Variants in PEAK1 observed in about 807,000 individuals in gnomAD.
The protein encoded by PEAK1 is pseudopodium enriched atypical kinase 1, also known as inactive tyrosine-protein kinase PEAK1.
Under a neutral mutation model 124.7 loss-of-function variants are expected in PEAK1, and 54 were observed. The observed-to-expected ratio is 0.43, with a 90% CI of 0.35 to 0.54. PEAK1 has a LOEUF of 0.54. Among genes scored for constraint, PEAK1 ranks in the 20% least tolerant of loss-of-function variants. The probability of loss-of-function intolerance (pLI) is 0.01; values close to 1 mark genes in which losing one functional copy is unlikely to be tolerated. For missense variants in PEAK1, 2,046 were observed against 2,134.5 expected (o/e 0.96, Z 0.82); for synonymous variants, 719 against 760.0 (o/e 0.95, Z 0.89).
rs1315553623 is a variant in PEAK1, at chr15:77,365,228, G to A, written c.-665-3C>T. 6.1e-6 allele frequency: 6 copies of A among 981,294 alleles called. No individual in the cohort carries two copies. Among genetic ancestry groups the A allele is most frequent in the Non-Finnish European group, 7.3e-6 (6 of 826,362 alleles). The allele number at this position is 981,294 out of a possible 1,614,324, so 60.8% of individuals were successfully genotyped here. ...TAAGTTCCAGTTTGGGCAGATACCT[G>A]AATTGTAAAAAACAAACAGAAAAAG... On this transcript the variant is annotated splice_region_variant and splice_polypyrimidine_tract_variant and intron_variant, in intron 1 of 9. Transcript: ENST00000682557.
At chr15:77,307,403 T>C (rs2064162999) in intron 2 of PEAK1, among the ~76,000 whole-genome samples, 1 of 152,112 alleles carries the variant, frequency 6.6e-6, no homozygotes, top group Non-Finnish European at 1.5e-5. Flanking sequence ...ATAAAAGATC[T>C]ACAGAGATCT....
intron 1 of PEAK1, among the ~76,000 whole-genome samples, chr15:77,391,922 C>T (rs1190898125): frequency 6.6e-6 from 1 of 152,080 alleles, no homozygotes; most frequent in Non-Finnish European, 1.5e-5. Flanking sequence ...GTGATAATAC[C>T]AGAATGTGAA....
rs2050883872 is a variant in PEAK1 at position 77,109,837 on chromosome 15, C to G, written c.*4319G>C. On this transcript the variant is annotated 3_prime_UTR_variant, in exon 10 of 10. Coordinates refer to ENST00000682557, the MANE Select transcript of PEAK1 (RefSeq NM_001385026.1). ...GGCCCAGCAAGTCCAGTTTGTCTCACCCCTCTCCAAGAATGTTCATACTAT... is the reference window on the plus strand; with the variant it reads ...GGCCCAGCAAGTCCAGTTTGTCTCAGCCCTCTCCAAGAATGTTCATACTAT... 6.6e-6 allele frequency: 1 copy of G among 152,190 alleles called. No individual in the cohort carries two copies. Among genetic ancestry groups the G allele is most frequent in the Non-Finnish European group, 1.5e-5 (1 of 68,048 alleles). The allele number at this position is 152,190 out of a possible 1,614,324, so 9.4% of individuals were successfully genotyped here.
In PEAK1 at chr15:77,283,934, G is replaced by GA. The variant is rs1353638081; in HGVS notation, c.-327dup. 1.0e-6 allele frequency: 1 copy of GA among 982,246 alleles called. No homozygotes were observed. Among genetic ancestry groups the GA allele is most frequent in the African/African-American group, 1.8e-5 (1 of 57,134 alleles). 60.8% of individuals were successfully genotyped at this position (982,246 alleles called of 1,614,324 possible). A position where few individuals can be genotyped will look rare whatever the true frequency, so the allele number is the denominator to read the frequency against. Reference sequence around the variant, plus strand: ...TGTAGTCATTACTACTTTCATATTAGAAAATGTTTGTTTCTCCTTCTTGGA... The same window carrying GA: ...TGTAGTCATTACTACTTTCATATTAGAAAAATGTTTGTTTCTCCTTCTTGGA... On this transcript the variant is annotated 5_prime_UTR_variant, in exon 5 of 10. The change abolishes the stop of an existing upstream ORF in the 5' untranslated region. Transcript: ENST00000682557.
chr15:77,139,061 G>GTAATCAAGTTA (rs1306750207), intron 8 of PEAK1, among the ~76,000 whole-genome samples: 3 of 152,074 alleles, frequency 2.0e-5, no homozygotes, highest in Non-Finnish European at 2.9e-5. Flanking sequence ...AAGTTAAGAT[G>GTAATCAAGTTA]AGGTCATTAG....
At chr15:77,131,450 G>A (rs535256592) in intron 9 of PEAK1, among the ~76,000 whole-genome samples, 1 of 152,316 alleles carries the variant, frequency 6.6e-6, no homozygotes, top group African/African-American at 2.4e-5. Context: ...CCAAGATCGT[G>A]CCACTGCACT....
intron 6 of PEAK1, among the ~76,000 whole-genome samples, chr15:77,188,887 C>T (rs894482184): frequency 1.3e-5 from 2 of 152,054 alleles, no homozygotes; most frequent in Admixed American, 1.3e-4. Context: ...AAGTACCAGG[C>T]CCTTTACCCA....
chr15:77,295,593 T>C (rs566328650), intron 2 of PEAK1, among the ~76,000 whole-genome samples: 32 of 152,310 alleles, frequency 2.1e-4, no homozygotes, highest in Middle Eastern at 6.8e-3. Flanking sequence ...TACTGAAAAC[T>C]GATTCATCTT....
At chr15:77,199,489 G>A (rs1239954977) in intron 6 of PEAK1, among the ~76,000 whole-genome samples, 2 of 152,180 alleles carry the variant, frequency 1.3e-5, no homozygotes, top group African/African-American at 4.8e-5. Context: ...AAGCCTGGAA[G>A]GATTAAACTG....
At chr15:77,271,112 T>C (rs545281856) in intron 5 of PEAK1, among the ~76,000 whole-genome samples, 95 of 152,106 alleles carry the variant, frequency 6.2e-4, no homozygotes, top group African/African-American at 2.2e-3. Context: ...CATCAAAAAG[T>C]GGGCGAAGGA....
At chr15:77,274,385 T>C (rs2152957982) in intron 5 of PEAK1, among the ~76,000 whole-genome samples, 1 of 151,958 alleles carries the variant, frequency 6.6e-6, no homozygotes, top group South Asian at 2.1e-4. Flanking sequence ...GACAAAGGAC[T>C]AATATCCAGA....
chr15:77,311,879 G>C (rs1187684664), intron 2 of PEAK1, among the ~76,000 whole-genome samples: 1 of 151,942 alleles, frequency 6.6e-6, no homozygotes, highest in Admixed American at 6.6e-5. Flanking sequence ...TTACACTAGA[G>C]ACTATGCAGA....
chr15:77,335,732 C>T, intron 2 of PEAK1: 1 of 962,966 alleles, frequency 1.0e-6, no homozygotes, highest in Non-Finnish European at 1.2e-6. Flanking sequence ...CTCAAATAAT[C>T]CTCCCACTTC....
At chr15:77,418,554 G>A in intron 1 of PEAK1, 6 of 985,068 alleles carry the variant, frequency 6.1e-6, no homozygotes, top group Non-Finnish European at 7.2e-6. Flanking sequence ...CAACTTTGAA[G>A]CCAAGAAAAT....
chr15:77,287,221 A>T (rs543023243), intron 2 of PEAK1, among the ~76,000 whole-genome samples: 2 of 152,358 alleles, frequency 1.3e-5, no homozygotes, highest in African/African-American at 4.8e-5. Flanking sequence ...ATTTACAGTA[A>T]ATCAGTGCCT....
chr15:77,357,656 T>C lies in PEAK1; in HGVS notation c.-603+7507A>G, dbSNP rs2067607031. 2.6e-5 allele frequency among the ~76,000 whole-genome samples: 4 copies of C among 152,358 alleles called. No homozygotes were observed. The East Asian group carries it at 5.8e-4, about 22-fold the overall frequency. On this transcript the variant is annotated intron_variant, in intron 2 of 9. Coordinates refer to ENST00000682557, the MANE Select transcript of PEAK1 (RefSeq NM_001385026.1). Reference sequence around the variant, plus strand: ...CATATATATTGATGCATATGTATGTTTGCAAAAATAATTTAAAAGTAAATA... The same window carrying C: ...CATATATATTGATGCATATGTATGTCTGCAAAAATAATTTAAAAGTAAATA...
At chr15:77,278,960 G>C (rs2062501787) in intron 5 of PEAK1, among the ~76,000 whole-genome samples, 1 of 150,372 alleles carries the variant, frequency 6.7e-6, no homozygotes, top group African/African-American at 2.4e-5. Context: ...AGCCTCCCGA[G>C]TAGCTGGGAT....
At chr15:77,141,615 C>T (rs1415649204) in intron 8 of PEAK1, among the ~76,000 whole-genome samples, 2 of 152,128 alleles carry the variant, frequency 1.3e-5, no homozygotes, top group African/African-American at 4.8e-5. Context: ...GTTACACTTT[C>T]CAACTCCAAC....
rs537231021 is a variant in PEAK1 at position 77,379,023 on chromosome 15, A to G, written c.-665-13798T>C. Among the ~76,000 whole-genome samples the G allele has an allele frequency of 3.9e-4, 59 of 152,316 alleles. No individual in the cohort carries two copies. The South Asian group carries it at 0.011, about 27-fold the overall frequency. ...TTAACTGGTTTGTTTTTAAAGAGCT[A>G]TATCTGCTGAAATGAGATTGCCTAA... On this transcript the variant is annotated intron_variant, in intron 1 of 9. Coordinates refer to ENST00000682557, the MANE Select transcript of PEAK1 (RefSeq NM_001385026.1).
Sources: allele counts gnomAD v4.1 joint callset (sites outside exome capture counted in the v4.1 genomes callset), GRCh38; gene constraint gnomAD v4.1.1; transcripts MANE v1.5; gene names NCBI Gene and HGNC (gene_info 2026-07-23, HGNC 2026-07-21).